The following CLPB variants were observed in gnomAD, a reference collection of about 807,000 sequenced individuals.
The protein encoded by CLPB is ClpB family mitochondrial disaggregase, also known as mitochondrial disaggregase.
A neutral mutation model predicts 78.4 loss-of-function variants in CLPB; 40 were observed. The observed-to-expected ratio is 0.51, with a 90% CI of 0.40 to 0.66. The LOEUF is 0.66. Among genes scored for constraint, CLPB ranks in the 30% least tolerant of loss-of-function variants. CLPB has a pLI of 0.00. For synonymous variants in CLPB, 333 were observed against 348.0 expected (o/e 0.96, Z 0.48); for missense variants, 780 against 886.9 (o/e 0.88, Z 1.53).
chr11:72,406,143 TAAG>T (rs1232833616), intron 2 of CLPB, among the ~76,000 whole-genome samples: 7 of 152,076 alleles, frequency 4.6e-5, no homozygotes, highest in African/African-American at 1.7e-4. Context: ...AAAATGGGGA[TAAG>T]AAGACCAGTT....
At chr11:72,310,607 C>T (rs561702453) in intron 7 of CLPB, among the ~76,000 whole-genome samples, 2 of 152,122 alleles carry the variant, frequency 1.3e-5, no homozygotes, top group African/African-American at 2.4e-5. Context: ...CATGTGTGTA[C>T]GTGTTAGGGC....
intron 5 of CLPB, among the ~76,000 whole-genome samples, chr11:72,356,268 A>G (rs1242397007): frequency 1.4e-5 from 2 of 145,872 alleles, no homozygotes; most frequent in African/African-American, 5.0e-5. Context: ...ATAAGAGCGA[A>G]AATCTGTCTC....
chr11:72,307,868 G>T (rs1456478361), intron 8 of CLPB, among the ~76,000 whole-genome samples: 2 of 152,130 alleles, frequency 1.3e-5, no homozygotes, highest in Non-Finnish European at 1.5e-5. Context: ...ATCCTTTTGG[G>T]GGCCTACATC....
rs771702059 is a variant in CLPB, at chr11:72,434,484, T to C, written c.-10A>G. 1.2e-5 allele frequency: 19 copies of C among 1,526,820 alleles called. No individual in the cohort carries two copies. The South Asian group carries it at 2.4e-4, about 20-fold the overall frequency. The allele number at this position is 1,526,820 out of a possible 1,614,324, so 94.6% of individuals were successfully genotyped here. A position where few individuals can be genotyped will look rare whatever the true frequency, so the allele number is the denominator to read the frequency against. ...CCAGGGACCCCAGCATCTTGACAGC[T>C]GCTTCGATAACCCCGTGGTGCCGGC... On this transcript the variant is annotated 5_prime_UTR_variant, in exon 1 of 16. Transcript: ENST00000538039.
intron 2 of CLPB, among the ~76,000 whole-genome samples, chr11:72,410,181 G>A (rs1342537908): frequency 1.3e-5 from 2 of 152,158 alleles, no homozygotes; most frequent in Admixed American, 1.3e-4. Context: ...AGTAAGCCAA[G>A]ATCGTGCCAC....
rs757824619 is a variant in CLPB, at chr11:72,295,484, C to T, written c.1486+8G>A. On this transcript the variant is annotated splice_region_variant and intron_variant, in intron 12 of 15. Transcript: ENST00000538039. ...ACTGGACCAGACTGCTCAGGTCAGCCGCCATACCCAGGTTTTCGGCAATAC... is the reference window on the plus strand; with the variant it reads ...ACTGGACCAGACTGCTCAGGTCAGCTGCCATACCCAGGTTTTCGGCAATAC... The T allele has an allele frequency of 1.9e-5, 31 of 1,613,194 alleles. No individual in the cohort carries two copies. Among genetic ancestry groups the T allele is most frequent in the African/African-American group, 4.0e-5 (3 of 74,910 alleles).
intron 4 of CLPB, among the ~76,000 whole-genome samples, chr11:72,371,020 C>T (rs1951031593): frequency 6.6e-6 from 1 of 152,144 alleles, no homozygotes. Context: ...CTAACATGTT[C>T]GTCTATCAGC....
chr11:72,397,283 C>T (rs1195795404), intron 3 of CLPB, among the ~76,000 whole-genome samples: 1 of 152,172 alleles, frequency 6.6e-6, no homozygotes, highest in Non-Finnish European at 1.5e-5. Context: ...AGTTGATGGA[C>T]ATTGCATTAT....
intron 3 of CLPB, among the ~76,000 whole-genome samples, chr11:72,382,297 G>A (rs780841285): frequency 2.6e-5 from 4 of 151,994 alleles, no homozygotes; most frequent in Admixed American, 6.6e-5. Context: ...CCCAGGGCCC[G>A]GGCCCAACCC....
chr11:72,431,310 G>T (rs923430544), intron 1 of CLPB, among the ~76,000 whole-genome samples: 6 of 152,196 alleles, frequency 3.9e-5, no homozygotes, highest in African/African-American at 1.4e-4. Context: ...GGCAGTGGGC[G>T]GATTCATAGC....
At chr11:72,373,735 C>G (rs1951086598) in intron 4 of CLPB, among the ~76,000 whole-genome samples, 2 of 152,096 alleles carry the variant, frequency 1.3e-5, no homozygotes, top group African/African-American at 2.4e-5. Flanking sequence ...CACCTGAGGT[C>G]TGCAGTTAGA....
rs964674467 is a variant in CLPB at position 72,381,505 on chromosome 11, C to T, written c.543-1121G>A. ...GCCCACCTTAACATGAGCCCAGCCCCTACAGACTCAGGCTTCAGGCCCACC... is the reference window on the plus strand; with the variant it reads ...GCCCACCTTAACATGAGCCCAGCCCTTACAGACTCAGGCTTCAGGCCCACC... On this transcript the variant is annotated intron_variant, in intron 3 of 15. Coordinates refer to ENST00000538039, the MANE Select transcript of CLPB (RefSeq NM_001258392.3). Among the ~76,000 whole-genome samples, 4 of 152,164 alleles carry T rather than the reference C, an allele frequency of 2.6e-5. No individual in the cohort carries two copies. The South Asian group carries it at 8.3e-4, about 31-fold the overall frequency.
intron 3 of CLPB, among the ~76,000 whole-genome samples, chr11:72,381,432 C>T (rs1231269865): frequency 6.6e-6 from 1 of 151,972 alleles, no homozygotes; most frequent in Non-Finnish European, 1.5e-5. Flanking sequence ...CTTAGCAGCC[C>T]GACTCTGGCC....
intron 2 of CLPB, among the ~76,000 whole-genome samples, chr11:72,415,037 GA>G (rs961824467): frequency 2.6e-5 from 4 of 152,080 alleles, no homozygotes; most frequent in African/African-American, 9.7e-5. Context: ...CCAACATGGT[GA>G]AACCCTATCT....
chr11:72,347,657 T>C (rs1950540965), intron 5 of CLPB, among the ~76,000 whole-genome samples: 1 of 152,158 alleles, frequency 6.6e-6, no homozygotes, highest in South Asian at 2.1e-4. Context: ...ATTTATAAAA[T>C]ATCTCCGAGA....
rs370546471 is a variant in CLPB at position 72,302,274 on chromosome 11, A to C, written c.1167+30T>G. 3 of 1,611,106 alleles carry C rather than the reference A, an allele frequency of 1.9e-6. No homozygotes were observed. In the African/African-American group the frequency reaches 4.0e-5, roughly 22 times the overall value. On this transcript the variant is annotated intron_variant, in intron 10 of 15. Coordinates refer to ENST00000538039, the MANE Select transcript of CLPB (RefSeq NM_001258392.3). Reference sequence around the variant, plus strand: ...GTCATGCTGACAAGCCCTCCAAACCATGCTTCAATCAAGGACTGTCATCAC... The same window carrying C: ...GTCATGCTGACAAGCCCTCCAAACCCTGCTTCAATCAAGGACTGTCATCAC...
intron 2 of CLPB, among the ~76,000 whole-genome samples, chr11:72,421,616 G>C (rs1261132141): frequency 1.3e-5 from 2 of 152,188 alleles, no homozygotes; most frequent in Non-Finnish European, 2.9e-5. Flanking sequence ...CACAGGGCTG[G>C]CTGTGCTCCT....
At position 72,295,473 on chromosome 11, in the gene CLPB, C is replaced by T; in HGVS notation, c.1486+19G>A. ...GTGGCTTGGTCACTGGACCAGACTG[C>T]TCAGGTCAGCCGCCATACCCAGGTT... On this transcript the variant is annotated intron_variant, in intron 12 of 15. Coordinates refer to ENST00000538039, the MANE Select transcript of CLPB (RefSeq NM_001258392.3). 6.2e-7 allele frequency: 1 copy of T among 1,612,240 alleles called. No individual in the cohort carries two copies. The highest frequency in any genetic ancestry group is 8.5e-7 in the Non-Finnish European group (1 of 1,178,760).
At position 72,285,748 on chromosome 11, in the gene CLPB, T is replaced by C. The variant is rs949783530; in HGVS notation, c.*7619A>G. The C allele has an allele frequency of 6.6e-6, 1 of 152,190 alleles. No individual in the cohort carries two copies. The highest frequency in any genetic ancestry group is 2.4e-5 in the African/African-American group (1 of 41,444). The allele number at this position is 152,190 out of a possible 1,614,324, so 9.4% of individuals were successfully genotyped here. On this transcript the variant is annotated 3_prime_UTR_variant, in exon 16 of 16. Coordinates refer to ENST00000538039, the MANE Select transcript of CLPB (RefSeq NM_001258392.3). ...TTCCCCTTCCATTGCTGTCCCTGAA[T>C]TGCCCAGTTCTGCTCCCTTCCAGAA...
Sources: gnomAD v4.1 joint callset for allele counts (sites outside exome capture counted in the v4.1 genomes callset) on GRCh38, gnomAD v4.1.1 for gene constraint, MANE v1.5 for transcripts, NCBI Gene and HGNC (gene_info 2026-07-23, HGNC 2026-07-21) for gene names.